CADM2: variants seen among roughly 807,000 people sequenced by gnomAD.
The protein encoded by CADM2 is immunoglobulin superfamily member 4D.
Under a neutral mutation model 49.8 loss-of-function variants are expected in CADM2, and 12 were observed. That is an observed-to-expected ratio of 0.24 (90% CI 0.15 to 0.39). CADM2 has a LOEUF of 0.39. Ranked by LOEUF, CADM2 falls within the 10% of genes least tolerant of loss-of-function variation. The probability of loss-of-function intolerance (pLI) is 1.00; values close to 1 mark genes in which losing one functional copy is unlikely to be tolerated. For missense variants in CADM2, 378 were observed against 492.3 expected (o/e 0.77, Z 2.20); for synonymous variants, 214 against 175.4 (o/e 1.22, Z -1.74).
intron 1 of CADM2, among the ~76,000 whole-genome samples, chr3:85,126,301 G>C (rs1359909572): frequency 1.3e-5 from 2 of 151,980 alleles, no homozygotes; most frequent in Non-Finnish European, 2.9e-5. Flanking sequence ...CTCTGTTCTA[G>C]GAGCAGGGAA....
chr3:85,027,043 A>G lies in CADM2; in HGVS notation c.61+67375A>G, dbSNP rs907789456. On this transcript the variant is annotated intron_variant, in intron 1 of 9. Transcript: ENST00000383699. The stretch of plus-strand genomic sequence containing the variant: ...TTTCTACTTAGTGCTCTTAATATAT[A>G]TTCATGTGATGCTTTTATGACACTA... 5.3e-5 allele frequency among the ~76,000 whole-genome samples: 7 copies of G among 132,714 alleles called. No homozygotes were observed. The East Asian group carries it at 1.5e-3, about 29-fold the overall frequency. 87.1% of individuals were successfully genotyped at this position (132,714 alleles called of 152,430 possible).
At chr3:86,030,858 A>G (rs1734480832) in intron 8 of CADM2, among the ~76,000 whole-genome samples, 1 of 151,920 alleles carries the variant, frequency 6.6e-6, no homozygotes, top group African/African-American at 2.4e-5. Context: ...ACTACTCTTT[A>G]TAAATTTCAA....
chr3:85,781,448 C>T (rs1220871737), intron 2 of CADM2, among the ~76,000 whole-genome samples: 1 of 152,088 alleles, frequency 6.6e-6, no homozygotes, highest in African/African-American at 2.4e-5. Context: ...AAGTTATGCA[C>T]CAGGCCATGA....
At chr3:85,272,558 CTTAAA>C (rs1366908095) in intron 1 of CADM2, among the ~76,000 whole-genome samples, 3 of 151,216 alleles carry the variant, frequency 2.0e-5, no homozygotes, top group Non-Finnish European at 4.4e-5. Flanking sequence ...AATACAGAAA[CTTAAA>C]TTTATTTTAG....
chr3:85,038,198 A>C (rs2035298159), intron 1 of CADM2, among the ~76,000 whole-genome samples: 1 of 152,206 alleles, frequency 6.6e-6, no homozygotes, highest in Admixed American at 6.5e-5. Context: ...GCCAAGCAGC[A>C]AAAAGAGCAG....
rs939097293 is a variant in CADM2, at chr3:85,171,735, C to A, written c.61+212067C>A. Among the ~76,000 whole-genome samples the A allele has an allele frequency of 3.9e-5, 6 of 152,218 alleles. No individual in the cohort carries two copies. The South Asian group carries it at 1.0e-3, about 26-fold the overall frequency. Reference sequence around the variant, plus strand: ...TTTGTATGTACAGTTGCATGTTTTTCTCATTTTAGCCAAAATTTAACAATA... The same window carrying A: ...TTTGTATGTACAGTTGCATGTTTTTATCATTTTAGCCAAAATTTAACAATA... On this transcript the variant is annotated intron_variant, in intron 1 of 9. Coordinates refer to ENST00000383699, the MANE Select transcript of CADM2 (RefSeq NM_001167675.2).
chr3:85,653,443 A>C (rs1375336440), intron 1 of CADM2, among the ~76,000 whole-genome samples: 1 of 151,106 alleles, frequency 6.6e-6, no homozygotes, highest in Non-Finnish European at 1.5e-5. Context: ...TGGTTGTTGT[A>C]TGAGAGTGAG....
intron 1 of CADM2, among the ~76,000 whole-genome samples, chr3:85,367,162 T>C (rs549224997): frequency 6.6e-6 from 1 of 152,068 alleles, no homozygotes; most frequent in Admixed American, 6.6e-5. Context: ...TCTGATGAAA[T>C]AATTTTAGTA....
intron 1 of CADM2, among the ~76,000 whole-genome samples, chr3:85,504,997 C>A (rs1706051562): frequency 6.6e-6 from 1 of 152,216 alleles, no homozygotes; most frequent in Middle Eastern, 3.4e-3. Flanking sequence ...CCCACGCCCA[C>A]CCGGAACTCC....
chr3:85,365,177 G>A (rs2032661576), intron 1 of CADM2, among the ~76,000 whole-genome samples: 2 of 135,828 alleles, frequency 1.5e-5, no homozygotes, highest in African/African-American at 2.7e-5. Context: ...TCAAGAATTG[G>A]GAGGGTTTTT....
At chr3:85,889,313 A>T (rs1212170758) in intron 5 of CADM2, among the ~76,000 whole-genome samples, 1 of 152,196 alleles carries the variant, frequency 6.6e-6, no homozygotes, top group Non-Finnish European at 1.5e-5. Context: ...ATACTTGGTT[A>T]TAGAACAGTG....
intron 1 of CADM2, among the ~76,000 whole-genome samples, chr3:85,650,410 AG>A (rs1407555131): frequency 1.3e-5 from 2 of 151,930 alleles, no homozygotes; most frequent in Admixed American, 6.6e-5. Flanking sequence ...ATGAAAAATT[AG>A]TTTCAAAACA....
chr3:85,295,850 C>A (rs951016171), intron 1 of CADM2, among the ~76,000 whole-genome samples: 1 of 151,476 alleles, frequency 6.6e-6, no homozygotes, highest in Non-Finnish European at 1.5e-5. Flanking sequence ...GTGGGTGCAA[C>A]ACACCAGCAT....
intron 5 of CADM2, among the ~76,000 whole-genome samples, chr3:85,901,990 C>A (rs1011528243): frequency 6.6e-6 from 1 of 152,080 alleles, no homozygotes; most frequent in African/African-American, 2.4e-5. Flanking sequence ...AATAATATAT[C>A]ATTGTATGCA....
chr3:85,014,588 C>T (rs553551919), intron 1 of CADM2, among the ~76,000 whole-genome samples: 1 of 152,076 alleles, frequency 6.6e-6, no homozygotes, highest in Non-Finnish European at 1.5e-5. Flanking sequence ...CCAAACATAG[C>T]AATTTAGAGA....
intron 8 of CADM2, among the ~76,000 whole-genome samples, chr3:85,999,587 G>A (rs1271974153): frequency 6.8e-6 from 1 of 147,556 alleles, no homozygotes; most frequent in Non-Finnish European, 1.5e-5. Context: ...GGAAGGGAGG[G>A]AGGGAGAGGG....
chr3:85,701,092 C>G (rs919512557), intron 1 of CADM2, among the ~76,000 whole-genome samples: 1 of 152,070 alleles, frequency 6.6e-6, no homozygotes, highest in African/African-American at 2.4e-5. Context: ...ATGGAGGCCT[C>G]GGGAAACTTA....
intron 1 of CADM2, among the ~76,000 whole-genome samples, chr3:85,323,590 C>G (rs1029901938): frequency 2.0e-5 from 3 of 152,114 alleles, no homozygotes; most frequent in Non-Finnish European, 2.9e-5. Flanking sequence ...ATGTTCAAAA[C>G]TAAACAAGAC....
chr3:85,212,820 TTCTTTCTTTCTTTCTTTC>T (rs2041813656), intron 1 of CADM2, among the ~76,000 whole-genome samples: 1 of 49,736 alleles, frequency 2.0e-5, no homozygotes, highest in African/African-American at 8.2e-5. Flanking sequence ...TTCTCTTTCT[TTCTTTCTTTCTTTCTTTC>T]TTTCTTTCTT....
Sources: gnomAD v4.1 joint callset for allele counts (sites outside exome capture counted in the v4.1 genomes callset) on GRCh38, gnomAD v4.1.1 for gene constraint, MANE v1.5 for transcripts, NCBI Gene and HGNC (gene_info 2026-07-23, HGNC 2026-07-21) for gene names.